CNTNAP2: variants seen among roughly 807,000 people sequenced by gnomAD.
CNTNAP2 encodes contactin-associated protein-like 2.
Under a neutral mutation model 155.2 loss-of-function variants are expected in CNTNAP2, and 98 were observed. The ratio of observed to expected loss-of-function variants is 0.63; its 90% CI spans 0.54 to 0.75. CNTNAP2 has a LOEUF of 0.75. Ranked by LOEUF, CNTNAP2 falls within the 30% of genes least tolerant of loss-of-function variation. CNTNAP2 has a pLI of 0.00. For synonymous variants in CNTNAP2, 651 were observed against 631.2 expected (o/e 1.03, Z -0.47); for missense variants, 1,727 against 1,688.1 (o/e 1.02, Z -0.40).
chr7:147,442,483 C>T (rs1797659853), intron 10 of CNTNAP2, among the ~76,000 whole-genome samples: 1 of 152,100 alleles, frequency 6.6e-6, no homozygotes, highest in Non-Finnish European at 1.5e-5. Flanking sequence ...CTCCAAGAGC[C>T]CATTTTGTGC....
chr7:147,478,246 G>A (rs913134340), intron 10 of CNTNAP2, among the ~76,000 whole-genome samples: 2 of 151,800 alleles, frequency 1.3e-5, no homozygotes, highest in African/African-American at 2.4e-5. Flanking sequence ...TCTGCCTCCC[G>A]GGTTCAAGTG....
rs566938133 is a variant in CNTNAP2 at position 147,312,894 on chromosome 7, T to C, written c.1498+12604T>C. 2.1e-3 allele frequency among the ~76,000 whole-genome samples: 280 copies of C among 131,092 alleles called. 7 individuals are homozygous for C. Among genetic ancestry groups the C allele is most frequent in the Admixed American group, 8.7e-3 (109 of 12,510 alleles). 86.0% of individuals were successfully genotyped at this position (131,092 alleles called of 152,430 possible). A position where few individuals can be genotyped will look rare whatever the true frequency, so the allele number is the denominator to read the frequency against. On this transcript the variant is annotated intron_variant, in intron 9 of 23. Coordinates refer to ENST00000361727, the MANE Select transcript of CNTNAP2 (RefSeq NM_014141.6). ...GTCCCACCAACAGTGTAAAAGTGTTTCTATTTCTCCACATCCTCTCCAGCA... is the reference window on the plus strand; with the variant it reads ...GTCCCACCAACAGTGTAAAAGTGTTCCTATTTCTCCACATCCTCTCCAGCA...
chr7:146,120,220 T>G (rs950180349), intron 1 of CNTNAP2, among the ~76,000 whole-genome samples: 1 of 152,048 alleles, frequency 6.6e-6, no homozygotes, highest in Non-Finnish European at 1.5e-5. Context: ...ATACTGCTGG[T>G]TTATAGAGAC....
At chr7:147,437,115 C>T (rs922830479) in intron 10 of CNTNAP2, among the ~76,000 whole-genome samples, 2 of 151,630 alleles carry the variant, frequency 1.3e-5, no homozygotes, top group Non-Finnish European at 2.9e-5. Flanking sequence ...GTTTTAATCA[C>T]GGAACTAGTA....
chr7:147,662,618 C>G (rs1469440430), intron 13 of CNTNAP2, among the ~76,000 whole-genome samples: 1 of 152,176 alleles, frequency 6.6e-6, no homozygotes, highest in Admixed American at 6.5e-5. Flanking sequence ...GTGATGAACA[C>G]TTCTTACCTT....
At chr7:146,807,914 C>A (rs1165261982) in intron 2 of CNTNAP2, among the ~76,000 whole-genome samples, 1 of 152,078 alleles carries the variant, frequency 6.6e-6, no homozygotes, top group Non-Finnish European at 1.5e-5. Flanking sequence ...CACATTTTTT[C>A]ACTCTGGCAT....
intron 1 of CNTNAP2, among the ~76,000 whole-genome samples, chr7:146,634,036 G>A (rs1340269642): frequency 6.6e-6 from 1 of 151,890 alleles, no homozygotes; most frequent in Non-Finnish European, 1.5e-5. Context: ...AGCTACCCTG[G>A]AAAGAGGCTG....
chr7:147,253,333 A>C (rs1280904554), intron 8 of CNTNAP2, among the ~76,000 whole-genome samples: 1 of 151,446 alleles, frequency 6.6e-6, no homozygotes, highest in Non-Finnish European at 1.5e-5. Flanking sequence ...TAGAAGCATC[A>C]GCCAGATCCA....
chr7:147,765,276 G>A (rs1215415222), intron 13 of CNTNAP2, among the ~76,000 whole-genome samples: 2 of 152,154 alleles, frequency 1.3e-5, no homozygotes, highest in Admixed American at 6.6e-5. Flanking sequence ...AGAGAGTGGA[G>A]AGAGTGCTTC....
intron 22 of CNTNAP2, among the ~76,000 whole-genome samples, chr7:148,401,095 G>A (rs1330496033): frequency 2.0e-5 from 3 of 152,138 alleles, no homozygotes; most frequent in Non-Finnish European, 4.4e-5. Context: ...TTTGATCTGA[G>A]TTTGGTTGAA....
At chr7:146,920,806 G>C (rs1278592517) in intron 3 of CNTNAP2, among the ~76,000 whole-genome samples, 1 of 152,160 alleles carries the variant, frequency 6.6e-6, no homozygotes, top group African/African-American at 2.4e-5. Flanking sequence ...CACGAGTTGT[G>C]AGTAAGCCTG....
chr7:146,937,523 T>TGCTTTTCTCACAA (rs1205064033), intron 3 of CNTNAP2, among the ~76,000 whole-genome samples: 1 of 152,184 alleles, frequency 6.6e-6, no homozygotes, highest in Non-Finnish European at 1.5e-5. Flanking sequence ...CTATGGGTAG[T>TGCTTTTCTCACAA]GCTTTTCTCA....
intron 13 of CNTNAP2, among the ~76,000 whole-genome samples, chr7:147,810,873 G>A (rs901199838): frequency 6.6e-6 from 1 of 152,152 alleles, no homozygotes; most frequent in Non-Finnish European, 1.5e-5. Context: ...CCAATGAAAA[G>A]CAAGAACCGG....
At chr7:146,197,032 A>C (rs2116860780) in intron 1 of CNTNAP2, among the ~76,000 whole-genome samples, 1 of 152,228 alleles carries the variant, frequency 6.6e-6, no homozygotes, top group Middle Eastern at 3.4e-3. Context: ...CTCTGTTTTG[A>C]AGATGGTCTC....
chr7:146,501,599 C>T (rs997849994), intron 1 of CNTNAP2, among the ~76,000 whole-genome samples: 8 of 151,702 alleles, frequency 5.3e-5, no homozygotes, highest in South Asian at 2.1e-4. Context: ...CCTTTTCAAC[C>T]GTAAGTAATT....
chr7:147,961,879 A>T (rs1801125750), intron 14 of CNTNAP2, among the ~76,000 whole-genome samples: 1 of 152,192 alleles, frequency 6.6e-6, no homozygotes, highest in Non-Finnish European at 1.5e-5. Flanking sequence ...AGGAGATTAA[A>T]ATTATTCAAA....
In CNTNAP2 at chr7:146,795,889, A is replaced by G. The variant is rs984979912; in HGVS notation, c.208+21508A>G. On this transcript the variant is annotated intron_variant, in intron 2 of 23. Coordinates refer to ENST00000361727, the MANE Select transcript of CNTNAP2 (RefSeq NM_014141.6). The stretch of plus-strand genomic sequence containing the variant: ...TGTATTGTATAATAACCCGAAAATG[A>G]AAACAACTTAAATGTCCATAAACAT... 2.0e-5 allele frequency among the ~76,000 whole-genome samples: 3 copies of G among 152,346 alleles called. No individual in the cohort carries two copies. The East Asian group carries it at 5.8e-4, about 29-fold the overall frequency.
At chr7:146,248,658 G>A (rs973943919) in intron 1 of CNTNAP2, among the ~76,000 whole-genome samples, 23 of 152,176 alleles carry the variant, frequency 1.5e-4, no homozygotes, top group African/African-American at 5.5e-4. Context: ...AGTAAAAAGG[G>A]GCTGCTTACC....
intron 14 of CNTNAP2, among the ~76,000 whole-genome samples, chr7:147,962,888 A>T (rs186087087): frequency 6.6e-6 from 1 of 152,278 alleles, no homozygotes; most frequent in African/African-American, 2.4e-5. Flanking sequence ...CTTAAACAGA[A>T]TACTATCCTG....
Sources: gnomAD v4.1 joint callset for allele counts (sites outside exome capture counted in the v4.1 genomes callset) on GRCh38, gnomAD v4.1.1 for gene constraint, MANE v1.5 for transcripts, NCBI Gene and HGNC (gene_info 2026-07-23, HGNC 2026-07-21) for gene names.